TENM3: variants seen among roughly 807,000 people sequenced by gnomAD.
The protein encoded by TENM3 is teneurin-3.
In TENM3, 63 loss-of-function variants were observed where a neutral mutation model predicts 255.1. That is an observed-to-expected ratio of 0.25 (90% CI 0.20 to 0.30). The LOEUF (loss-of-function observed/expected upper bound fraction) is 0.30. Among genes scored for constraint, TENM3 ranks in the 10% least tolerant of loss-of-function variants. The pLI, the probability that TENM3 is intolerant of heterozygous loss-of-function variation, is 1.00. For missense variants in TENM3, 2,929 were observed against 3,461.1 expected (o/e 0.85, Z 3.86); for synonymous variants, 1,306 against 1,322.3 (o/e 0.99, Z 0.27).
At chr4:181,678,988 C>T in the TENM3 span, among the ~76,000 whole-genome samples, 2 of 152,020 alleles carry the variant, frequency 1.3e-5, no homozygotes, top group Non-Finnish European at 2.9e-5. Flanking sequence ...TTAAAGCAAA[C>T]TAAATATGGC....
At chr4:181,724,819 G>T in the TENM3 span, among the ~76,000 whole-genome samples, 1 of 152,148 alleles carries the variant, frequency 6.6e-6, no homozygotes, top group Non-Finnish European at 1.5e-5. Context: ...TTTCATGTCA[G>T]ATATTTTTGG....
chr4:182,554,889 TC>T (rs1742427786), intron 3 of TENM3, among the ~76,000 whole-genome samples: 1 of 151,800 alleles, frequency 6.6e-6, no homozygotes. Flanking sequence ...TTTTTTTTTT[TC>T]CTTTCACATG....
chr4:182,520,963 C>T (rs73003091), intron 3 of TENM3, among the ~76,000 whole-genome samples: 214 of 152,200 alleles, frequency 1.4e-3, no homozygotes, highest in African/African-American at 4.8e-3. Flanking sequence ...AGAAAATCTC[C>T]AAGTTCAAAT....
chr4:182,675,683 G>A (rs1046512064), intron 7 of TENM3, among the ~76,000 whole-genome samples: 7 of 152,148 alleles, frequency 4.6e-5, no homozygotes, highest in Non-Finnish European at 7.4e-5. Flanking sequence ...GTGATTATTT[G>A]TGTATAATTC....
In TENM3 at chr4:182,764,440, G is replaced by A. The variant is rs74353675; in HGVS notation, c.4893-9032G>A. Among the ~76,000 whole-genome samples the A allele has an allele frequency of 9.1e-3, 1,393 of 152,302 alleles. 25 individuals are homozygous for A. The highest frequency in any genetic ancestry group is 0.031 in the African/African-American group (1,282 of 41,550). On this transcript the variant is annotated intron_variant, in intron 22 of 27. Coordinates refer to ENST00000511685, the MANE Select transcript of TENM3 (RefSeq NM_001080477.4). ...GATAAGAATGGTAAGTGCTAAGATA[G>A]TTGTTCGACAGGCCGTGGAGGTACA...
At chr4:181,819,575 G>T in the TENM3 span, among the ~76,000 whole-genome samples, 1 of 152,144 alleles carries the variant, frequency 6.6e-6, no homozygotes, top group African/African-American at 2.4e-5. Flanking sequence ...TGGCACCAGG[G>T]ACTGGTTTCA....
intron 3 of TENM3, among the ~76,000 whole-genome samples, chr4:182,389,394 A>G (rs1226984650): frequency 6.6e-6 from 1 of 152,116 alleles, no homozygotes; most frequent in Non-Finnish European, 1.5e-5. Flanking sequence ...AAAAAAAAAA[A>G]AAAAAGAACT....
the TENM3 span, among the ~76,000 whole-genome samples, chr4:182,040,585 AAC>A: frequency 1.3e-5 from 2 of 152,088 alleles, no homozygotes; most frequent in African/African-American, 2.4e-5. Context: ...ACCTACTTAT[AAC>A]ACCCAATCAG....
At chr4:181,775,596 A>C in the TENM3 span, among the ~76,000 whole-genome samples, 1 of 152,166 alleles carries the variant, frequency 6.6e-6, no homozygotes, top group African/African-American at 2.4e-5. Context: ...TAAATTATCA[A>C]ACAGGAAGAA....
chr4:181,456,599 C>T, the TENM3 span, among the ~76,000 whole-genome samples: 2 of 151,728 alleles, frequency 1.3e-5, no homozygotes, highest in African/African-American at 2.4e-5. Flanking sequence ...TAAATGGGAG[C>T]TGGTTGATAG....
At chr4:182,626,920 T>A (rs963469434) in intron 4 of TENM3, among the ~76,000 whole-genome samples, 3 of 152,152 alleles carry the variant, frequency 2.0e-5, no homozygotes, top group Non-Finnish European at 4.4e-5. Context: ...GCCATTTTTT[T>A]TACAGGTCAA....
intron 12 of TENM3, among the ~76,000 whole-genome samples, chr4:182,708,669 G>T (rs1332043189): frequency 2.6e-5 from 4 of 152,072 alleles, no homozygotes; most frequent in Non-Finnish European, 5.9e-5. Context: ...GTGGTGGCGG[G>T]CGCCTGTAGT....
chr4:181,970,508 T>C, the TENM3 span, among the ~76,000 whole-genome samples: 2 of 152,254 alleles, frequency 1.3e-5, no homozygotes, highest in Non-Finnish European at 2.9e-5. Flanking sequence ...TGAAAGATAA[T>C]GCATCTGCTT....
the TENM3 span, among the ~76,000 whole-genome samples, chr4:181,590,541 T>C: frequency 0.085 from 12,992 of 152,286 alleles, 721 homozygotes; most frequent in Middle Eastern, 0.14. Flanking sequence ...TTTAGCATAC[T>C]GGGAGCCTTC....
At chr4:181,522,265 A>AT in the TENM3 span, among the ~76,000 whole-genome samples, 1 of 152,204 alleles carries the variant, frequency 6.6e-6, no homozygotes, top group Non-Finnish European at 1.5e-5. Context: ...TTCAAAAATC[A>AT]TAACAGTACT....
chr4:182,214,558 G>A (rs1278972426), intron 1 of TENM3, among the ~76,000 whole-genome samples: 4 of 150,030 alleles, frequency 2.7e-5, no homozygotes, highest in African/African-American at 9.9e-5. Flanking sequence ...AGGGACGGGG[G>A]TCTTGCTGTG....
intron 4 of TENM3, among the ~76,000 whole-genome samples, chr4:182,607,962 C>T (rs1748592753): frequency 6.6e-6 from 1 of 152,164 alleles, no homozygotes; most frequent in African/African-American, 2.4e-5. Context: ...TGCCTTTACT[C>T]TGGTCCTAGT....
chr4:182,485,621 T>C (rs1273021579), intron 3 of TENM3, among the ~76,000 whole-genome samples: 2 of 150,764 alleles, frequency 1.3e-5, no homozygotes, highest in Non-Finnish European at 3.0e-5. Context: ...ATAGTGAACA[T>C]AGAAGCAAAA....
chr4:182,752,840 T>G (rs1221736281), intron 20 of TENM3, among the ~76,000 whole-genome samples: 1 of 152,192 alleles, frequency 6.6e-6, no homozygotes, highest in Admixed American at 6.5e-5. Context: ...GACCACAACA[T>G]TATATAATCA....
Sources: allele counts gnomAD v4.1 joint callset (sites outside exome capture counted in the v4.1 genomes callset), GRCh38; gene constraint gnomAD v4.1.1; transcripts MANE v1.5; gene names NCBI Gene and HGNC (gene_info 2026-07-23, HGNC 2026-07-21).